Variants in KIF13A observed in about 807,000 individuals in gnomAD.
KIF13A encodes kinesin-like protein KIF13A.
In KIF13A, 79 loss-of-function variants were observed where a neutral mutation model predicts 212.2. The ratio of observed to expected loss-of-function variants is 0.37; its 90% CI spans 0.31 to 0.45. The LOEUF is 0.45. Ranked by LOEUF, KIF13A falls within the 20% of genes least tolerant of loss-of-function variation. The probability of loss-of-function intolerance (pLI) is 1.00; values close to 1 mark genes in which losing one functional copy is unlikely to be tolerated. For missense variants in KIF13A, 1,901 were observed against 2,209.0 expected (o/e 0.86, Z 2.79); for synonymous variants, 789 against 808.6 (o/e 0.98, Z 0.41).
At chr6:17,940,134 G>GTTCCTTCC (rs924798480) in intron 2 of KIF13A, among the ~76,000 whole-genome samples, 2 of 149,218 alleles carry the variant, frequency 1.3e-5, no homozygotes, top group Admixed American at 6.7e-5. Context: ...CTATATGGAA[G>GTTCCTTCC]TTCCTTCCTT....
rs769050552 is a variant in KIF13A, at chr6:17,794,531, G to C, written c.3075+41C>G. The C allele has an allele frequency of 1.3e-6, 2 of 1,581,028 alleles. No homozygotes were observed. The highest frequency in any genetic ancestry group is 1.7e-6 in the Non-Finnish European group (2 of 1,167,508). The stretch of plus-strand genomic sequence containing the variant: ...AGAAACAATGTGTAAGAGTGGAACA[G>C]AGAGAAAACATTAAAAAAAAACCCA... On this transcript the variant is annotated intron_variant, in intron 24 of 38. Coordinates refer to ENST00000259711, the MANE Select transcript of KIF13A (RefSeq NM_022113.6). The surrounding 1 kb of genome is among the most constrained non-coding windows in gnomAD (Gnocchi z 4.1).
Position 17,883,980 on chromosome 6 carries a change from C to CA in KIF13A, c.160-10544dup, listed in dbSNP as rs950309821. Reference sequence around the variant, plus strand: ...AAAGAGAAGGAAATCATAATAATAACAAAAAAAGAGAAAGGAATGTAGAAC... The same window carrying CA: ...AAAGAGAAGGAAATCATAATAATAACAAAAAAAAGAGAAAGGAATGTAGAAC... On this transcript the variant is annotated intron_variant, in intron 3 of 38. Coordinates refer to ENST00000259711, the MANE Select transcript of KIF13A (RefSeq NM_022113.6). The surrounding 1 kb of genome is among the most constrained non-coding windows in gnomAD (Gnocchi z 4.8). 1.3e-5 allele frequency among the ~76,000 whole-genome samples: 2 copies of CA among 151,966 alleles called. No homozygotes were observed. Among genetic ancestry groups the CA allele is most frequent in the African/African-American group, 4.8e-5 (2 of 41,378 alleles).
intron 2 of KIF13A, among the ~76,000 whole-genome samples, chr6:17,958,238 G>A (rs1269102210): frequency 2.0e-5 from 3 of 152,084 alleles, no homozygotes; most frequent in Non-Finnish European, 2.9e-5. Flanking sequence ...ATCTACTATC[G>A]CTAGATGATC....
chr6:17,801,159 T>C (rs989425581), intron 20 of KIF13A, among the ~76,000 whole-genome samples: 2 of 151,998 alleles, frequency 1.3e-5, no homozygotes, highest in Non-Finnish European at 2.9e-5. Context: ...GGTTCTGCCA[T>C]CAGGCAACTC....
At chr6:17,903,869 G>A (rs922476094) in intron 2 of KIF13A, among the ~76,000 whole-genome samples, 4 of 152,298 alleles carry the variant, frequency 2.6e-5, no homozygotes, top group East Asian at 1.9e-4. Context: ...GCCAGGCGGC[G>A]TGGCTCATGC....
In KIF13A at chr6:17,915,942, A is replaced by T. The variant is rs577930427; in HGVS notation, c.147-17762T>A. Among the ~76,000 whole-genome samples the T allele has an allele frequency of 2.6e-4, 38 of 145,386 alleles. No individual in the cohort carries two copies. The highest frequency in any genetic ancestry group is 5.2e-4 in the African/African-American group (19 of 36,442). The stretch of plus-strand genomic sequence containing the variant: ...GGTGACAGAGAGCCAGTCTCAAAAA[A>T]AAAAATAAAAATAAAAATAAAATAA... On this transcript the variant is annotated intron_variant, in intron 2 of 38. Transcript: ENST00000259711. This position sits in a 1 kb window ranked among gnomAD's most constrained non-coding sequence, Gnocchi z 4.4.
intron 2 of KIF13A, among the ~76,000 whole-genome samples, chr6:17,929,692 G>A (rs1474875144): frequency 7.2e-5 from 11 of 151,836 alleles, no homozygotes; most frequent in African/African-American, 1.5e-4. Context: ...GAGCCACCGC[G>A]CCCGGCCGCA....
intron 2 of KIF13A, among the ~76,000 whole-genome samples, chr6:17,977,796 G>A (rs1264164915): frequency 2.0e-5 from 3 of 152,160 alleles, no homozygotes; most frequent in Non-Finnish European, 4.4e-5. Context: ...TTGGTGTGCT[G>A]CACCCATTAA....
intron 2 of KIF13A, chr6:17,953,832 GA>G: frequency 5.6e-6 from 1 of 177,306 alleles, no homozygotes; most frequent in South Asian, 1.3e-4. Flanking sequence ...ACTGACAAAG[GA>G]AAAACTCTGT....
Position 17,817,152 on chromosome 6 carries a change from A to G in KIF13A, c.1868T>C (p.Met623Thr), listed in dbSNP as rs1246843671. 12 of 1,614,010 alleles carry G rather than the reference A, an allele frequency of 7.4e-6. No homozygotes were observed. The East Asian group carries it at 2.5e-4, about 33-fold the overall frequency. Residue 623 changes from methionine (M) to threonine (T), a missense_variant, in exon 17 of 39, where the codon ATG (methionine) becomes ACG (threonine). By Grantham distance (81) the Met-to-Thr change is moderately conservative (BLOSUM62 -1). Transcript: ENST00000259711. ...GAGTTGCTCCAGTTCCCGCTCATAC[A>G]TGAGCCGCTGCTCCTCTAGGGCACT... ...KRSALEEQRL[M>T]YERELEQLRQ...
In KIF13A at chr6:17,947,290, T is replaced by G. The variant is rs577977134; in HGVS notation, c.146+39764A>C. ...AAGGTACTTACATTTTTTTCTTAACTGTTGAAACCAAATATATAAGTTATA... is the reference window on the plus strand; with the variant it reads ...AAGGTACTTACATTTTTTTCTTAACGGTTGAAACCAAATATATAAGTTATA... On this transcript the variant is annotated intron_variant, in intron 2 of 38. Coordinates refer to ENST00000259711, the MANE Select transcript of KIF13A (RefSeq NM_022113.6). The surrounding 1 kb of genome is among the most constrained non-coding windows in gnomAD (Gnocchi z 4.6). Among the ~76,000 whole-genome samples, 2 of 152,300 alleles carry G rather than the reference T, an allele frequency of 1.3e-5. No homozygotes were observed. Among genetic ancestry groups the G allele is most frequent in the Middle Eastern group, 3.4e-3 (1 of 294 alleles).
rs893969400 is a variant in KIF13A, at chr6:17,916,757, T to C, written c.147-18577A>G. Among the ~76,000 whole-genome samples, 3 of 152,108 alleles carry C rather than the reference T, an allele frequency of 2.0e-5. No individual in the cohort carries two copies. The South Asian group carries it at 6.2e-4, about 31-fold the overall frequency. ...AGGAAAATACAAATGAATGGACAGG[T>C]TAAGAAATTTATTTAGTTTAGAGGA... On this transcript the variant is annotated intron_variant, in intron 2 of 38. Transcript: ENST00000259711.
Position 17,898,674 on chromosome 6 carries a change from T to A in KIF13A, c.147-494A>T, listed in dbSNP as rs958557541. 1.3e-5 allele frequency among the ~76,000 whole-genome samples: 2 copies of A among 152,254 alleles called. No individual in the cohort carries two copies. Among genetic ancestry groups the A allele is most frequent in the African/African-American group, 4.8e-5 (2 of 41,520 alleles). On this transcript the variant is annotated intron_variant, in intron 2 of 38. Coordinates refer to ENST00000259711, the MANE Select transcript of KIF13A (RefSeq NM_022113.6). The surrounding 1 kb of genome is among the most constrained non-coding windows in gnomAD (Gnocchi z 5.2). ...CTCATTTAAAAACCATGGTTTTAAA[T>A]AACTCATATTTTTTAACACTGAATA...
chr6:17,863,893 T>C (rs1232779487), intron 4 of KIF13A, among the ~76,000 whole-genome samples: 1 of 152,222 alleles, frequency 6.6e-6, no homozygotes, highest in Non-Finnish European at 1.5e-5. Context: ...AACTGCTTTT[T>C]GAACCTCAGT....
rs1761832448 is a variant in KIF13A, at chr6:17,794,064, AATT to A, written c.3222+182_3222+184del. Reference sequence around the variant, plus strand: ...TTAGGATGCGTGTGTTTATAAATAAAATTATTATTAACTGACACTAAGCAAACA... The same window carrying A: ...TTAGGATGCGTGTGTTTATAAATAAAATTATTAACTGACACTAAGCAAACA... On this transcript the variant is annotated intron_variant, in intron 25 of 38. Transcript: ENST00000259711. The surrounding 1 kb of genome is among the most constrained non-coding windows in gnomAD (Gnocchi z 4.1). Among the ~76,000 whole-genome samples, 1 of 152,220 alleles carries A rather than the reference AATT, an allele frequency of 6.6e-6. No individual in the cohort carries two copies. The highest frequency in any genetic ancestry group is 1.5e-5 in the Non-Finnish European group (1 of 68,022).
intron 34 of KIF13A, 139 bp from the exon 35 acceptor site, chr6:17,775,201 A>T (rs1759845570): frequency 1.6e-6 from 1 of 627,054 alleles, no homozygotes; most frequent in African/African-American, 1.9e-5. Flanking sequence ...CTCCAGGAGT[A>T]GTGACTACTC....
In KIF13A at chr6:17,834,364, C is replaced by T. The variant is rs1260744613; in HGVS notation, c.1156-293G>A. ...AGCCCTAAAAGATGCTAACGTTCAA[C>T]TTTGAAATAGATAAGCAGGACAAAA... On this transcript the variant is annotated intron_variant, in intron 11 of 38. Transcript: ENST00000259711. This position sits in a 1 kb window ranked among gnomAD's most constrained non-coding sequence, Gnocchi z 4.0. Among the ~76,000 whole-genome samples the T allele has an allele frequency of 6.6e-6, 1 of 152,210 alleles. No homozygotes were observed. The highest frequency in any genetic ancestry group is 1.5e-5 in the Non-Finnish European group (1 of 68,030).
rs1409454788 is a variant in KIF13A, at chr6:17,826,088, G to C, written c.1569C>G (p.Thr523=). The C allele has an allele frequency of 6.2e-7, 1 of 1,613,994 alleles. No individual in the cohort carries two copies. Among genetic ancestry groups the C allele is most frequent in the Non-Finnish European group, 8.5e-7 (1 of 1,179,882 alleles). Residue 523 remains threonine, a synonymous_variant, in exon 15 of 39, where the codon ACC becomes ACG. Transcript: ENST00000259711. This position sits in a 1 kb window ranked among gnomAD's most constrained non-coding sequence, Gnocchi z 4.7. The stretch of plus-strand genomic sequence containing the variant: ...GGATTCGGTCACCATGCCACAGCTG[G>C]GTGGTACTGCACACAAGGGTGCCGT... The part of the protein sequence containing the change: ...CVNGTLVCST[T]QLWHGDRILW...
chr6:17,975,108 AAG>A (rs1164866418), intron 2 of KIF13A, among the ~76,000 whole-genome samples: 1 of 152,168 alleles, frequency 6.6e-6, no homozygotes, highest in Non-Finnish European at 1.5e-5. Context: ...CTTTGAGAGA[AAG>A]AGGAGGGCAG....
Sources: gnomAD v4.1 joint callset for allele counts (sites outside exome capture counted in the v4.1 genomes callset) on GRCh38, gnomAD v4.1.1 for gene constraint, Gnocchi (gnomAD v3.1) non-coding constraint, MANE v1.5 for transcripts, NCBI Gene and HGNC (gene_info 2026-07-23, HGNC 2026-07-21) for gene names.